The following GPRASP3 variants were observed in gnomAD, a reference collection of about 807,000 sequenced individuals.
GPRASP3 encodes G protein-coupled receptor associated sorting protein family member 3, also known as G protein-coupled receptor associated sorting protein 3.
chrX:102,741,966 C>T, the GPRASP3 span, among the ~76,000 whole-genome samples: 3 of 111,906 alleles, frequency 2.7e-5, no homozygotes, highest in African/African-American at 9.8e-5. Flanking sequence ...ATATTCATCA[C>T]CAGCAGACCT....
At chrX:102,749,518 G>C in the GPRASP3 span, 1 of 1,211,950 alleles carries the variant, frequency 8.3e-7, no homozygotes, top group Non-Finnish European at 1.1e-6. Flanking sequence ...GAATGTTATT[G>C]GGAACTGGTT....
the GPRASP3 span, among the ~76,000 whole-genome samples, chrX:102,725,925 G>A: frequency 8.9e-6 from 1 of 111,969 alleles, no homozygotes; most frequent in Admixed American, 9.5e-5. Flanking sequence ...TAGAACTAGT[G>A]TTGAGGGACA....
At chrX:102,746,745 C>G in the GPRASP3 span, among the ~76,000 whole-genome samples, 1 of 112,861 alleles carries the variant, frequency 8.9e-6, no homozygotes, top group Non-Finnish European at 1.9e-5. Context: ...AAAAGTGGAA[C>G]TTTGAGTGGG....
chrX:102,734,074 G>A, the GPRASP3 span, among the ~76,000 whole-genome samples: 3 of 111,153 alleles, frequency 2.7e-5, no homozygotes, highest in Admixed American at 1.9e-4. Context: ...GTTAAGGCAG[G>A]GACCGGCCAT....
At chrX:102,749,412 A>G in the GPRASP3 span, 1 of 1,211,578 alleles carries the variant, frequency 8.3e-7, no homozygotes, top group Non-Finnish European at 1.1e-6. Context: ...AGAATGATAA[A>G]CCTGAAATTG....
chrX:102,748,727 T>G, the GPRASP3 span: 1 of 265,810 alleles, frequency 3.8e-6, no homozygotes, highest in Non-Finnish European at 6.7e-6. Flanking sequence ...CTGTGGTGGC[T>G]TTGGATTGTT....
the GPRASP3 span, among the ~76,000 whole-genome samples, chrX:102,729,983 G>A: frequency 1.5e-4 from 17 of 111,838 alleles, no homozygotes; most frequent in Non-Finnish European, 2.1e-4. Flanking sequence ...TAGACTGGGG[G>A]GCGAATGGCA....
At chrX:102,729,800 G>GTGGA in the GPRASP3 span, among the ~76,000 whole-genome samples, 2 of 111,820 alleles carry the variant, frequency 1.8e-5, no homozygotes, top group East Asian at 5.6e-4. Context: ...AACCCGGGAG[G>GTGGA]TGGAGGTTGC....
chrX:102,740,390 T>G, the GPRASP3 span, among the ~76,000 whole-genome samples: 1 of 112,263 alleles, frequency 8.9e-6, no homozygotes, highest in Non-Finnish European at 1.9e-5. Context: ...TTCCGAATCT[T>G]AACCAAGACC....
the GPRASP3 span, among the ~76,000 whole-genome samples, chrX:102,733,945 A>G: frequency 9.2e-6 from 1 of 108,995 alleles, no homozygotes; most frequent in African/African-American, 3.3e-5. Context: ...GTAAAGGAAA[A>G]TTACAGTCAA....
the GPRASP3 span, among the ~76,000 whole-genome samples, chrX:102,734,393 C>T: frequency 3.6e-5 from 4 of 112,111 alleles, no homozygotes; most frequent in Admixed American, 9.4e-5. Context: ...CCAAGGCAGG[C>T]GGATCAAAAG....
chrX:102,728,097 T>C, the GPRASP3 span, among the ~76,000 whole-genome samples: 1 of 112,005 alleles, frequency 8.9e-6, no homozygotes, highest in East Asian at 2.8e-4. Context: ...TAGATTCTAA[T>C]AGTATCATGC....
At chrX:102,752,105 C>T in the GPRASP3 span, 1 of 122,394 alleles carries the variant, frequency 8.2e-6, no homozygotes, top group African/African-American at 3.3e-5. Flanking sequence ...GAAATTTAGA[C>T]CCAGAATTGC....
chrX:102,726,081 C>T, the GPRASP3 span, among the ~76,000 whole-genome samples: 1 of 111,373 alleles, frequency 9.0e-6, no homozygotes, highest in Non-Finnish European at 1.9e-5. Context: ...TTTCTATGTG[C>T]CAGGGTACTC....
At chrX:102,727,739 A>G in the GPRASP3 span, among the ~76,000 whole-genome samples, 1 of 112,461 alleles carries the variant, frequency 8.9e-6, no homozygotes, top group Non-Finnish European at 1.9e-5. Context: ...CCACTCCATA[A>G]TAGGAATAGA....
the GPRASP3 span, among the ~76,000 whole-genome samples, chrX:102,728,301 C>T: frequency 8.9e-6 from 1 of 111,838 alleles, no homozygotes; most frequent in African/African-American, 3.3e-5. Context: ...ACCCTCCCAC[C>T]TTGGCCTCCC....
the GPRASP3 span, among the ~76,000 whole-genome samples, chrX:102,736,519 C>T: frequency 8.9e-6 from 1 of 111,799 alleles, no homozygotes; most frequent in Non-Finnish European, 1.9e-5. Context: ...GCCTAATAAG[C>T]AGATACAGCT....
chrX:102,732,819 G>C, the GPRASP3 span, among the ~76,000 whole-genome samples: 1 of 111,599 alleles, frequency 9.0e-6, no homozygotes, highest in African/African-American at 3.3e-5. Context: ...TTTTAAAACT[G>C]AGCTCACCCA....
chrX:102,737,174 G>A, the GPRASP3 span, among the ~76,000 whole-genome samples: 3 of 112,472 alleles, frequency 2.7e-5, no homozygotes, highest in African/African-American at 9.7e-5. Context: ...CCTTTTAAAT[G>A]TATGTATAGC....
Sources: allele counts gnomAD v4.1 joint callset (sites outside exome capture counted in the v4.1 genomes callset), GRCh38; gene constraint gnomAD v4.1.1; transcripts MANE v1.5; gene names NCBI Gene and HGNC (gene_info 2026-07-23, HGNC 2026-07-21).